GRIK2: variants seen among roughly 807,000 people sequenced by gnomAD.
GRIK2 encodes the protein glutamate receptor ionotropic, kainate 2.
GRIK2 carries 32 observed loss-of-function variants against 100.3 expected under a neutral mutation model. The observed-to-expected ratio is 0.32, with a 90% CI of 0.24 to 0.43. The LOEUF is 0.43. GRIK2 is among the 20% of genes least tolerant of loss of function. The pLI is 1.00. For synonymous variants in GRIK2, 417 were observed against 389.4 expected (o/e 1.07, Z -0.83); for missense variants, 843 against 1,114.9 (o/e 0.76, Z 3.47).
chr6:101,828,636 G>A (rs1782485711), intron 10 of GRIK2, among the ~76,000 whole-genome samples: 2 of 151,806 alleles, frequency 1.3e-5, no homozygotes, highest in South Asian at 4.1e-4. Flanking sequence ...AGACTACTAT[G>A]AACATCACTA....
Position 101,631,422 on chromosome 6 carries a change from G to C in GRIK2, c.541+4785G>C, listed in dbSNP as rs1210662395. Among the ~76,000 whole-genome samples the C allele has an allele frequency of 3.3e-5, 5 of 152,102 alleles. No homozygotes were observed. In the East Asian group the frequency reaches 9.7e-4, roughly 29 times the overall value. On this transcript the variant is annotated intron_variant, in intron 4 of 16. Coordinates refer to ENST00000369134, the MANE Select transcript of GRIK2 (RefSeq NM_021956.5). ...TTCCCAGTTTTGCTACTAAATTACT[G>C]GTACAACTTCAGAAAATACAAGAAG...
chr6:101,905,456 C>T (rs571805127), intron 12 of GRIK2, among the ~76,000 whole-genome samples: 1 of 151,616 alleles, frequency 6.6e-6, no homozygotes, highest in East Asian at 1.9e-4. Context: ...TATTCTTTCT[C>T]AAATTTGACC....
intron 16 of GRIK2, among the ~76,000 whole-genome samples, chr6:102,059,181 T>C (rs904084669): frequency 1.3e-5 from 2 of 151,234 alleles, no homozygotes; most frequent in African/African-American, 4.8e-5. Flanking sequence ...ATGTGGACCT[T>C]CAAGCATTTA....
At chr6:101,577,913 A>C (rs1777866534) in intron 2 of GRIK2, among the ~76,000 whole-genome samples, 1 of 152,142 alleles carries the variant, frequency 6.6e-6, no homozygotes, top group African/African-American at 2.4e-5. Context: ...ATGGATGGGA[A>C]CAACGTAGAA....
intron 2 of GRIK2, among the ~76,000 whole-genome samples, chr6:101,447,089 T>C (rs1369333783): frequency 1.3e-5 from 2 of 149,872 alleles, no homozygotes; most frequent in Non-Finnish European, 3.0e-5. Context: ...CTTTACTTTT[T>C]TTCTTTTCTC....
At chr6:101,471,772 T>C (rs970225269) in intron 2 of GRIK2, among the ~76,000 whole-genome samples, 1 of 152,004 alleles carries the variant, frequency 6.6e-6, no homozygotes, top group Non-Finnish European at 1.5e-5. Flanking sequence ...TAAGCATGTA[T>C]ATGTTAACAA....
At chr6:101,887,544 C>G (rs570723493) in intron 11 of GRIK2, among the ~76,000 whole-genome samples, 19 of 152,106 alleles carry the variant, frequency 1.2e-4, no homozygotes, top group Admixed American at 2.6e-4. Flanking sequence ...CTGCATTAGT[C>G]CATTCTCACA....
At chr6:101,967,740 CA>C (rs1377896715) in intron 14 of GRIK2, among the ~76,000 whole-genome samples, 1 of 152,064 alleles carries the variant, frequency 6.6e-6, no homozygotes, top group Non-Finnish European at 1.5e-5. Context: ...AACAAGCCAA[CA>C]AACCAGAATC....
chr6:102,012,730 C>T (rs1327509335), intron 14 of GRIK2, among the ~76,000 whole-genome samples: 1 of 151,870 alleles, frequency 6.6e-6, no homozygotes, highest in Non-Finnish European at 1.5e-5. Context: ...TTTATTGGTT[C>T]CAAGAGGGGG....
At chr6:102,009,491 A>G (rs1251342433) in intron 14 of GRIK2, among the ~76,000 whole-genome samples, 1 of 152,142 alleles carries the variant, frequency 6.6e-6, no homozygotes, top group Non-Finnish European at 1.5e-5. Context: ...TCTCTGTGAA[A>G]TACCTTCAAC....
At chr6:101,552,595 A>G (rs781504995) in intron 2 of GRIK2, among the ~76,000 whole-genome samples, 13 of 152,280 alleles carry the variant, frequency 8.5e-5, no homozygotes, top group Middle Eastern at 3.4e-3. Context: ...TCATGGCATT[A>G]TATATGGGTG....
intron 2 of GRIK2, among the ~76,000 whole-genome samples, chr6:101,432,064 A>T (rs1024157161): frequency 1.3e-5 from 2 of 152,134 alleles, no homozygotes; most frequent in African/African-American, 4.8e-5. Flanking sequence ...CATAATTAAG[A>T]ACCCTGTGGC....
At chr6:102,017,172 C>T (rs2114345558) in intron 14 of GRIK2, among the ~76,000 whole-genome samples, 1 of 152,242 alleles carries the variant, frequency 6.6e-6, no homozygotes, top group East Asian at 1.9e-4. Context: ...CTACAAAACA[C>T]ACTTGTATAT....
intron 11 of GRIK2, among the ~76,000 whole-genome samples, chr6:101,879,395 T>G (rs1367562476): frequency 6.6e-6 from 1 of 152,012 alleles, no homozygotes; most frequent in Non-Finnish European, 1.5e-5. Flanking sequence ...CCTACTCACT[T>G]TCTGATCACA....
chr6:101,595,255 G>A (rs180962257), intron 2 of GRIK2, among the ~76,000 whole-genome samples: 5 of 151,772 alleles, frequency 3.3e-5, no homozygotes, highest in African/African-American at 1.2e-4. Context: ...AAGGAGGGGA[G>A]TGATGTACAG....
intron 2 of GRIK2, among the ~76,000 whole-genome samples, chr6:101,423,096 T>C (rs1213346621): frequency 6.6e-6 from 1 of 152,168 alleles, no homozygotes; most frequent in Non-Finnish European, 1.5e-5. Flanking sequence ...ATGACCAATA[T>C]AGAGACACCG....
chr6:101,785,274 T>C (rs1779350085), intron 7 of GRIK2, among the ~76,000 whole-genome samples: 1 of 152,170 alleles, frequency 6.6e-6, no homozygotes, highest in African/African-American at 2.4e-5. Context: ...TTCACTCTGT[T>C]GGTTGTTTGC....
In GRIK2 at chr6:101,958,253, T is replaced by TTGTGTGTGTG. The variant is rs1554292720; in HGVS notation, c.2085+29642_2085+29651dup. Reference sequence around the variant, plus strand: ...CTTGTTTAAATGTATTGCTACATATTTGTGTGTGTGTGTGTGTGTGTGTGT... The same window carrying TTGTGTGTGTG: ...CTTGTTTAAATGTATTGCTACATATTTGTGTGTGTGTGTGTGTGTGTGTGTGTGTGTGTGT... On this transcript the variant is annotated intron_variant, in intron 14 of 16. Coordinates refer to ENST00000369134, the MANE Select transcript of GRIK2 (RefSeq NM_021956.5). Among the ~76,000 whole-genome samples, 378 of 139,534 alleles carry TTGTGTGTGTG rather than the reference T, an allele frequency of 2.7e-3. 1 individual carries two copies. Among genetic ancestry groups the TTGTGTGTGTG allele is most frequent in the Non-Finnish European group, 3.7e-3 (242 of 64,592 alleles). The allele number at this position is 139,534 out of a possible 152,430, so 91.5% of individuals were successfully genotyped here.
chr6:101,949,966 T>C (rs1791511716), intron 14 of GRIK2, among the ~76,000 whole-genome samples: 2 of 152,136 alleles, frequency 1.3e-5, no homozygotes. Context: ...ATTATATGTC[T>C]CAATCATGCT....
Sources: gnomAD v4.1 joint callset for allele counts (sites outside exome capture counted in the v4.1 genomes callset) on GRCh38, gnomAD v4.1.1 for gene constraint, MANE v1.5 for transcripts, NCBI Gene and HGNC (gene_info 2026-07-23, HGNC 2026-07-21) for gene names.